Variants in ANK3 observed in about 807,000 individuals in gnomAD.
The protein encoded by ANK3 is ankyrin 3.
ANK3 carries 57 observed loss-of-function variants against 370.9 expected under a neutral mutation model. The observed-to-expected ratio is 0.15, with a 90% CI of 0.12 to 0.19. ANK3 has a LOEUF of 0.19. Ranked by LOEUF, ANK3 falls within the 10% of genes least tolerant of loss-of-function variation. ANK3 has a pLI of 1.00. For synonymous variants in ANK3, 1,929 were observed against 1,946.3 expected (o/e 0.99, Z 0.23); for missense variants, 4,439 against 5,302.1 (o/e 0.84, Z 5.06).
intron 43 of ANK3, among the ~76,000 whole-genome samples, chr10:60,040,863 C>G (rs774338022): frequency 4.6e-5 from 7 of 152,182 alleles, no homozygotes; most frequent in Non-Finnish European, 1.0e-4. Flanking sequence ...GACCTCTTTT[C>G]TACTTTCGTT....
intron 2 of ANK3, among the ~76,000 whole-genome samples, chr10:60,558,564 C>T (rs1354777417): frequency 2.0e-5 from 3 of 152,128 alleles, no homozygotes; most frequent in East Asian, 1.9e-4. Context: ...ATTCCCTCCT[C>T]CTAAATAAAT....
chr10:60,254,844 T>C (rs1052842117), intron 7 of ANK3, among the ~76,000 whole-genome samples: 1 of 152,196 alleles, frequency 6.6e-6, no homozygotes. Flanking sequence ...TTTGTATAGG[T>C]GCTGGGTGAC....
At chr10:60,673,196 T>A (rs2079083635) in intron 1 of ANK3, among the ~76,000 whole-genome samples, 2 of 152,098 alleles carry the variant, frequency 1.3e-5, no homozygotes, top group Admixed American at 1.3e-4. Context: ...AAACATGTTT[T>A]TTTTTCTTTT....
chr10:60,312,730 C>T (rs1316975247), intron 1 of ANK3, among the ~76,000 whole-genome samples: 3 of 152,156 alleles, frequency 2.0e-5, no homozygotes, highest in African/African-American at 7.2e-5. Flanking sequence ...AATTAATTTC[C>T]AATATTCACA....
intron 2 of ANK3, among the ~76,000 whole-genome samples, chr10:60,587,214 G>A (rs2077844602): frequency 6.6e-6 from 1 of 152,104 alleles, no homozygotes; most frequent in East Asian, 1.9e-4. Flanking sequence ...CAGCATGGGG[G>A]AAACTGCCCC....
At chr10:60,162,855 A>G (rs563980946) in intron 23 of ANK3, among the ~76,000 whole-genome samples, 1 of 152,080 alleles carries the variant, frequency 6.6e-6, no homozygotes, top group Non-Finnish European at 1.5e-5. Context: ...GCTTAATTCC[A>G]CTTCTCATTA....
In ANK3 at chr10:60,105,895, T is replaced by A; in HGVS notation, c.3328+10A>T. On this transcript the variant is annotated intron_variant, in intron 28 of 43. Transcript: ENST00000280772. ...AGACATTTACAGAACCAAGGAGCCA[T>A]CATTATTACCTTCATCCATGCCATT... The A allele has an allele frequency of 1.3e-6, 2 of 1,599,536 alleles. No individual in the cohort carries two copies. Among genetic ancestry groups the A allele is most frequent in the African/African-American group, 2.7e-5 (2 of 74,072 alleles).
At chr10:60,637,513 A>C (rs947042098) in intron 1 of ANK3, among the ~76,000 whole-genome samples, 1 of 152,222 alleles carries the variant, frequency 6.6e-6, no homozygotes. Flanking sequence ...AAATTCTTCG[A>C]ACTAATAATT....
chr10:60,644,901 A>AAAAC (rs2078690203), intron 1 of ANK3, among the ~76,000 whole-genome samples: 1 of 151,188 alleles, frequency 6.6e-6, no homozygotes. Flanking sequence ...AAAAAAAAAA[A>AAAAC]AAACGATGAG....
chr10:60,540,373 G>A (rs891361260), intron 2 of ANK3, among the ~76,000 whole-genome samples: 5 of 151,848 alleles, frequency 3.3e-5, no homozygotes, highest in South Asian at 4.1e-4. Context: ...TCTGAGGGAC[G>A]ACTGTGTTTT....
At chr10:60,117,932 G>A (rs1404950675) in intron 25 of ANK3, among the ~76,000 whole-genome samples, 2 of 152,184 alleles carry the variant, frequency 1.3e-5, no homozygotes, top group Non-Finnish European at 2.9e-5. Context: ...AACTGTTTGC[G>A]GAAATGGGAG....
intron 1 of ANK3, among the ~76,000 whole-genome samples, chr10:60,331,067 T>C (rs2051134704): frequency 6.7e-6 from 1 of 148,620 alleles, no homozygotes; most frequent in Non-Finnish European, 1.5e-5. Flanking sequence ...AATTGAACTA[T>C]GAGAAAACAC....
At chr10:60,280,744 C>T (rs1478743420) in intron 1 of ANK3, among the ~76,000 whole-genome samples, 2 of 152,196 alleles carry the variant, frequency 1.3e-5, no homozygotes, top group Non-Finnish European at 2.9e-5. Flanking sequence ...CAGGGTATGG[C>T]TTAAAAGAGA....
chr10:60,103,550 T>G (rs2091678735), intron 28 of ANK3, among the ~76,000 whole-genome samples: 1 of 152,008 alleles, frequency 6.6e-6, no homozygotes, highest in Non-Finnish European at 1.5e-5. Context: ...GAAGTGTTTT[T>G]GGGGATATGA....
Position 60,072,667 on chromosome 10 carries a change from T to C in ANK3, c.8214A>G (p.Arg2738=). Residue 2738 remains arginine, a synonymous_variant, in exon 37 of 44, where the codon AGA becomes AGG. Coordinates refer to ENST00000280772, the MANE Select transcript of ANK3 (RefSeq NM_020987.5). The stretch of plus-strand genomic sequence containing the variant: ...GGATTCTGGACTGGCCATCTGACTT[T>C]CTGTCTTCTTGAGACATGTCCTTAC... ...AKSKDMSQED[R]KSDGQSRIPV... is the part of the protein sequence containing the mutation. 6.2e-7 allele frequency: 1 copy of C among 1,614,156 alleles called. No homozygotes were observed. Among genetic ancestry groups the C allele is most frequent in the Non-Finnish European group, 8.5e-7 (1 of 1,180,020 alleles).
intron 2 of ANK3, among the ~76,000 whole-genome samples, chr10:60,511,869 A>C (rs1299061479): frequency 6.6e-6 from 1 of 151,980 alleles, no homozygotes; most frequent in African/African-American, 2.4e-5. Flanking sequence ...AGAGAGATTC[A>C]AATGCCTCTG....
At chr10:60,330,175 T>C (rs949318587) in intron 1 of ANK3, among the ~76,000 whole-genome samples, 3 of 152,044 alleles carry the variant, frequency 2.0e-5, no homozygotes, top group African/African-American at 4.8e-5. Context: ...CCTAAAACCA[T>C]AAAAACCCTA....
rs2082943654 is a variant in ANK3, at chr10:60,072,585, T to C, written c.8296A>G (p.Lys2766Glu). The change falls in exon 37 of 44, where the codon AAA becomes GAA. Residue 2766 changes from lysine to glutamate, a missense_variant. By Grantham distance (56) the Lys-to-Glu change is moderately conservative. Coordinates refer to ENST00000280772, the MANE Select transcript of ANK3 (RefSeq NM_020987.5). ...LPVYQVFAREKQQKAIDLPDE... is the reference protein window; with the variant it reads ...LPVYQVFAREEQQKAIDLPDE... ...GGGAGGTCTATGGCCTTCTGCTGTT[T>C]TTCTCTAGCAAAAACTTGGTAGACG... 4.6e-5 allele frequency: 75 copies of C among 1,613,550 alleles called. No individual in the cohort carries two copies. Among genetic ancestry groups the C allele is most frequent in the Non-Finnish European group, 6.1e-5 (72 of 1,179,898 alleles).
At chr10:60,393,217 G>A (rs756749631), upstream of ANK3, among the ~76,000 whole-genome samples, 55 of 152,146 alleles carry the variant, frequency 3.6e-4, no homozygotes, top group Admixed American at 5.2e-4. Context: ...TGGAGCCCCA[G>A]CTCTTTGGCT....
Sources: allele counts gnomAD v4.1 joint callset (sites outside exome capture counted in the v4.1 genomes callset), GRCh38; gene constraint gnomAD v4.1.1; transcripts MANE v1.5; gene names NCBI Gene and HGNC (gene_info 2026-07-23, HGNC 2026-07-21).